Variants in R3HCC1L observed in about 807,000 individuals in gnomAD.
The protein encoded by R3HCC1L is R3H domain and coiled-coil containing 1 like.
Under a neutral mutation model 59.9 loss-of-function variants are expected in R3HCC1L, and 51 were observed. The observed-to-expected ratio is 0.85, with a 90% CI of 0.68 to 1.07. R3HCC1L has a LOEUF of 1.07. R3HCC1L is among the 50% of genes least tolerant of loss of function. The pLI, the probability that R3HCC1L is intolerant of heterozygous loss-of-function variation, is 0.00. For synonymous variants in R3HCC1L, 322 were observed against 315.2 expected, an observed-to-expected ratio of 1.02 and a Z score of -0.23; for missense variants, 965 against 933.0, an observed-to-expected ratio of 1.03 and a Z score of -0.45.
chr10:98,217,558 C>T (rs12259303), intron 5 of R3HCC1L, among the ~76,000 whole-genome samples: 3 of 151,988 alleles, frequency 2.0e-5, no homozygotes, highest in Admixed American at 6.6e-5. Context: ...GAAGAATTGT[C>T]GTTGGTATTT....
chr10:98,154,200 A>T, intron 1 of R3HCC1L, among the ~76,000 whole-genome samples: 1 of 151,830 alleles, frequency 6.6e-6, no homozygotes, highest in East Asian at 1.9e-4. Flanking sequence ...AAAAAAAAAA[A>T]AAAGGAAGAA....
At chr10:98,167,809 T>C (rs960839438) in intron 4 of R3HCC1L, among the ~76,000 whole-genome samples, 10 of 152,216 alleles carry the variant, frequency 6.6e-5, no homozygotes, top group African/African-American at 2.4e-4. Flanking sequence ...AGCTACCTCT[T>C]AGTATTGTAG....
intron 9 of R3HCC1L, among the ~76,000 whole-genome samples, chr10:98,238,744 A>G (rs112543552): frequency 9.2e-4 from 140 of 151,690 alleles, no homozygotes; most frequent in Non-Finnish European, 1.4e-3. Context: ...TTTCTCCCAG[A>G]AAAAAAAACT....
chr10:98,197,291 CAG>C lies in R3HCC1L; in HGVS notation c.-14-10807_-14-10806del, dbSNP rs566979856. Among the ~76,000 whole-genome samples, 50 of 152,192 alleles carry C rather than the reference CAG, an allele frequency of 3.3e-4. No individual in the cohort carries two copies. In the East Asian group the frequency reaches 7.1e-3, roughly 22 times the overall value. ...TGTCCGTGCCAAAATTGTCCTGCCT[CAG>C]AGTTTTTGCACGTGTTCATTCTTTT... On this transcript the variant is annotated intron_variant, in intron 4 of 9. Coordinates refer to ENST00000298999, the MANE Select transcript of R3HCC1L (RefSeq NM_001351015.2).
chr10:98,149,302 CA>C (rs1418550640), intron 1 of R3HCC1L, among the ~76,000 whole-genome samples: 3 of 152,108 alleles, frequency 2.0e-5, no homozygotes, highest in Admixed American at 2.0e-4. Flanking sequence ...TTTCTCTTTT[CA>C]AAAAACCAAC....
At chr10:98,142,617 G>A (rs189780539) in intron 1 of R3HCC1L, among the ~76,000 whole-genome samples, 536 of 149,790 alleles carry the variant, frequency 3.6e-3, no homozygotes, top group Non-Finnish European at 6.0e-3. Context: ...CAGTCTGGGC[G>A]ACAGAGTGAG....
chr10:98,135,775 A>G (rs1844510685), intron 1 of R3HCC1L, among the ~76,000 whole-genome samples: 1 of 152,200 alleles, frequency 6.6e-6, no homozygotes, highest in Non-Finnish European at 1.5e-5. Context: ...TCTTGCTGTT[A>G]TAACCTTCCT....
chr10:98,172,689 A>G (rs1156763370), intron 4 of R3HCC1L, among the ~76,000 whole-genome samples: 4 of 152,156 alleles, frequency 2.6e-5, no homozygotes, highest in African/African-American at 9.7e-5. Context: ...CTAACCAACA[A>G]TTGCAGCCCT....
intron 5 of R3HCC1L, among the ~76,000 whole-genome samples, chr10:98,211,786 A>G (rs1388048678): frequency 1.3e-5 from 2 of 152,006 alleles, no homozygotes; most frequent in Admixed American, 1.3e-4. Flanking sequence ...TGGAACTTGG[A>G]TTCAGTGGGG....
At position 98,235,450 on chromosome 10, in the gene R3HCC1L, C is replaced by T. The variant is rs762174558; in HGVS notation, c.2058C>T (p.His686=). The part of the protein sequence containing the change: ...ITARDALGIK[H]TMVKIRPLSQ... ...CTCGTGATGCGTTGGGTATTAAACACACCATGGTGAAGATTCGTCCCTTGT... is the reference window on the plus strand; with the variant it reads ...CTCGTGATGCGTTGGGTATTAAACATACCATGGTGAAGATTCGTCCCTTGT... The change falls in exon 8 of 10, where the codon CAC becomes CAT. Residue 686 remains histidine, a synonymous_variant. Coordinates refer to ENST00000298999, the MANE Select transcript of R3HCC1L (RefSeq NM_001351015.2). 2.5e-6 allele frequency: 4 copies of T among 1,613,684 alleles called. No individual in the cohort carries two copies. In the Admixed American group the frequency reaches 5.0e-5, roughly 20 times the overall value.
At chr10:98,160,162 A>T (rs1847261251) in intron 2 of R3HCC1L, among the ~76,000 whole-genome samples, 2 of 152,232 alleles carry the variant, frequency 1.3e-5, no homozygotes, top group South Asian at 4.1e-4. Context: ...ATAGTTTAAG[A>T]ATTGTTAACT....
intron 4 of R3HCC1L, among the ~76,000 whole-genome samples, chr10:98,206,219 A>G (rs943295111): frequency 2.8e-5 from 4 of 145,240 alleles, no homozygotes; most frequent in African/African-American, 1.0e-4. Flanking sequence ...TAAACATCAC[A>G]TCACTATTTT....
intron 2 of R3HCC1L, among the ~76,000 whole-genome samples, chr10:98,162,367 AT>A (rs909012033): frequency 1.3e-5 from 2 of 152,198 alleles, no homozygotes; most frequent in Non-Finnish European, 2.9e-5. Flanking sequence ...TCTGAAACAT[AT>A]TGTTAACAGC....
At chr10:98,211,223 A>AC (rs1853529501) in intron 5 of R3HCC1L, 1 of 841,546 alleles carries the variant, frequency 1.2e-6, no homozygotes, top group Non-Finnish European at 1.9e-6. Context: ...TGGTCCCTAG[A>AC]CCAGCAGCAT....
chr10:98,239,986 T>C (rs1857357957), intron 9 of R3HCC1L, among the ~76,000 whole-genome samples: 4 of 152,216 alleles, frequency 2.6e-5, no homozygotes. Context: ...TGAGCCACTG[T>C]GCCCAGCCTA....
At chr10:98,144,783 A>T (rs1427983150) in intron 1 of R3HCC1L, among the ~76,000 whole-genome samples, 4 of 152,202 alleles carry the variant, frequency 2.6e-5, no homozygotes, top group Non-Finnish European at 4.4e-5. Context: ...AATGATCTCT[A>T]AGTTGAGGAG....
intron 4 of R3HCC1L, among the ~76,000 whole-genome samples, chr10:98,204,354 A>C (rs1278636892): frequency 6.6e-6 from 1 of 152,136 alleles, no homozygotes; most frequent in Non-Finnish European, 1.5e-5. Flanking sequence ...GTGGTGAGCC[A>C]AGATCGTGCC....
At chr10:98,183,078 A>G (rs538124798) in intron 4 of R3HCC1L, among the ~76,000 whole-genome samples, 101 of 152,288 alleles carry the variant, frequency 6.6e-4, no homozygotes, top group Non-Finnish European at 1.0e-3. Flanking sequence ...GAGATGAACC[A>G]GGTACCTCAG....
At chr10:98,205,546 A>C (rs1193544473) in intron 4 of R3HCC1L, among the ~76,000 whole-genome samples, 2 of 152,252 alleles carry the variant, frequency 1.3e-5, no homozygotes, top group Non-Finnish European at 2.9e-5. Context: ...CATTGACATC[A>C]GTGACATAAA....
Sources: allele counts gnomAD v4.1 joint callset (sites outside exome capture counted in the v4.1 genomes callset), GRCh38; gene constraint gnomAD v4.1.1; transcripts MANE v1.5; gene names NCBI Gene and HGNC (gene_info 2026-07-23, HGNC 2026-07-21).